The following SUCLG2 variants were observed in gnomAD, a reference collection of about 807,000 sequenced individuals.
SUCLG2 encodes succinate--CoA ligase [GDP-forming] subunit beta, mitochondrial.
Under a neutral mutation model 47.9 loss-of-function variants are expected in SUCLG2, and 42 were observed. The ratio of observed to expected loss-of-function variants is 0.88; its 90% confidence interval spans 0.69 to 1.14. SUCLG2 has a LOEUF of 1.14. Ranked by LOEUF, SUCLG2 falls within the 50% of genes most tolerant of loss-of-function variation. SUCLG2 has a pLI of 0.00. For missense variants in SUCLG2, 571 were observed against 525.9 expected (o/e 1.09, Z -0.84); for synonymous variants, 195 against 197.3 (o/e 0.99, Z 0.10).
At chr3:67,573,688 C>T (rs767246070) in intron 2 of SUCLG2, among the ~76,000 whole-genome samples, 4 of 152,134 alleles carry the variant, frequency 2.6e-5, no homozygotes, top group South Asian at 2.1e-4. Context: ...AGCCTGGCCC[C>T]TCCTTTTCCT....
At chr3:67,407,484 A>C (rs556707756) in intron 9 of SUCLG2, among the ~76,000 whole-genome samples, 3 of 152,346 alleles carry the variant, frequency 2.0e-5, no homozygotes, top group African/African-American at 7.2e-5. Context: ...AGTTCATAGA[A>C]GGAAAGTCTC....
At chr3:67,567,479 G>A (rs1442606951) in intron 2 of SUCLG2, among the ~76,000 whole-genome samples, 2 of 151,814 alleles carry the variant, frequency 1.3e-5, no homozygotes, top group African/African-American at 2.4e-5. Flanking sequence ...TCGTTTTAAC[G>A]TTTTGTCCAG....
At chr3:67,412,118 C>T (rs1208676475) in intron 9 of SUCLG2, among the ~76,000 whole-genome samples, 1 of 152,196 alleles carries the variant, frequency 6.6e-6, no homozygotes, top group African/African-American at 2.4e-5. Context: ...TTGCTGTTAT[C>T]TGTTGTGTGG....
At chr3:67,614,488 C>G (rs1047223553) in intron 1 of SUCLG2, among the ~76,000 whole-genome samples, 3 of 151,816 alleles carry the variant, frequency 2.0e-5, no homozygotes, top group African/African-American at 7.3e-5. Flanking sequence ...ACGGAAGATT[C>G]CTGCTGTTGT....
chr3:67,465,692 G>A (rs1575714612), intron 9 of SUCLG2, among the ~76,000 whole-genome samples: 1 of 152,282 alleles, frequency 6.6e-6, no homozygotes, highest in East Asian at 1.9e-4. Context: ...TGATGGCCAG[G>A]CCAGCCTCTC....
At chr3:67,570,697 C>G (rs983161626) in intron 2 of SUCLG2, among the ~76,000 whole-genome samples, 2 of 152,200 alleles carry the variant, frequency 1.3e-5, no homozygotes, top group African/African-American at 4.8e-5. Flanking sequence ...GCTGGCAATA[C>G]TCTGTACATA....
intron 1 of SUCLG2, among the ~76,000 whole-genome samples, chr3:67,637,805 C>G (rs1291556778): frequency 6.6e-6 from 1 of 152,100 alleles, no homozygotes; most frequent in Non-Finnish European, 1.5e-5. Context: ...AACTTTTGAT[C>G]CATGTAGCTT....
intron 2 of SUCLG2, among the ~76,000 whole-genome samples, chr3:67,581,577 G>A (rs1707878780): frequency 6.6e-6 from 1 of 152,214 alleles, no homozygotes; most frequent in African/African-American, 2.4e-5. Flanking sequence ...TTGCACCAAA[G>A]CTGTGATGGT....
intron 9 of SUCLG2, among the ~76,000 whole-genome samples, chr3:67,475,912 A>G (rs562044410): frequency 2.0e-5 from 3 of 152,200 alleles, no homozygotes; most frequent in African/African-American, 7.2e-5. Context: ...GCCTGGAAGG[A>G]TAACATCATT....
At position 67,550,231 on chromosome 3, in the gene SUCLG2, T is replaced by C. The variant is rs77739033; in HGVS notation, c.227-21045A>G. Among the ~76,000 whole-genome samples, 36 of 152,340 alleles carry C rather than the reference T, an allele frequency of 2.4e-4. No individual in the cohort carries two copies. The East Asian group carries it at 2.5e-3, about 11-fold the overall frequency. ...GGCCACATTACTGCATCTCAAGTCATTGACTCCTTTCGTGAAGCAGAAAGG... is the reference window on the plus strand; with the variant it reads ...GGCCACATTACTGCATCTCAAGTCACTGACTCCTTTCGTGAAGCAGAAAGG... On this transcript the variant is annotated intron_variant, in intron 2 of 10. Transcript: ENST00000307227.
chr3:67,609,944 G>A (rs532585878), intron 1 of SUCLG2, among the ~76,000 whole-genome samples: 1 of 152,254 alleles, frequency 6.6e-6, no homozygotes, highest in East Asian at 1.9e-4. Context: ...TGGATGAAGA[G>A]TACATGGGGC....
intron 2 of SUCLG2, among the ~76,000 whole-genome samples, chr3:67,570,898 T>C (rs1205471357): frequency 6.6e-6 from 1 of 152,200 alleles, no homozygotes; most frequent in East Asian, 1.9e-4. Flanking sequence ...TGGGTCCTTT[T>C]AGCAAACTGT....
chr3:67,476,655 T>C (rs1289363636), intron 9 of SUCLG2, among the ~76,000 whole-genome samples: 3 of 152,154 alleles, frequency 2.0e-5, no homozygotes, highest in Non-Finnish European at 4.4e-5. Flanking sequence ...GTAGAAAAAC[T>C]GTCTTCCATG....
At chr3:67,483,228 A>G (rs62256395) in intron 9 of SUCLG2, among the ~76,000 whole-genome samples, 82,776 of 151,638 alleles carry the variant, frequency 0.55, 23,866 homozygotes, top group Middle Eastern at 0.65. Context: ...ATTTAAGTGG[A>G]CAAAACTTAA....
Position 67,496,799 on chromosome 3 carries a change from G to GA in SUCLG2, c.920-860dup, listed in dbSNP as rs769286886. Among the ~76,000 whole-genome samples the GA allele has an allele frequency of 5.0e-3, 737 of 146,876 alleles. 11 individuals are homozygous for GA. The East Asian group carries it at 0.059, about 12-fold the overall frequency. On this transcript the variant is annotated intron_variant, in intron 8 of 10. Coordinates refer to ENST00000307227, the MANE Select transcript of SUCLG2 (RefSeq NM_003848.4). Reference sequence around the variant, plus strand: ...ATATAAAATTACTTTCCTTGAGAGAGAAAAAAAAAACTCCAGAACACAGCA... The same window carrying GA: ...ATATAAAATTACTTTCCTTGAGAGAGAAAAAAAAAAACTCCAGAACACAGCA...
At chr3:67,560,858 T>C (rs115596960) in intron 2 of SUCLG2, among the ~76,000 whole-genome samples, 1,589 of 151,772 alleles carry the variant, frequency 0.01, 21 homozygotes, top group East Asian at 0.051. Context: ...AGTTTCTGCC[T>C]AGCCTTGAGA....
intron 1 of SUCLG2, among the ~76,000 whole-genome samples, chr3:67,631,815 G>A (rs1429718963): frequency 1.3e-5 from 2 of 152,112 alleles, no homozygotes; most frequent in Non-Finnish European, 2.9e-5. Context: ...ATTCACCAAT[G>A]CATTTCCCAT....
chr3:67,527,846 A>G (rs1303504671), intron 4 of SUCLG2, among the ~76,000 whole-genome samples: 1 of 152,180 alleles, frequency 6.6e-6, no homozygotes, highest in Non-Finnish European at 1.5e-5. Flanking sequence ...TCTCAACTAA[A>G]TAGAATGCAT....
At chr3:67,494,835 A>T (rs1057303243) in intron 9 of SUCLG2, among the ~76,000 whole-genome samples, 1 of 152,202 alleles carries the variant, frequency 6.6e-6, no homozygotes, top group East Asian at 1.9e-4. Flanking sequence ...ACTGATATTT[A>T]ACTTCCTTAC....
Sources: gnomAD v4.1 joint callset for allele counts (sites outside exome capture counted in the v4.1 genomes callset) on GRCh38, gnomAD v4.1.1 for gene constraint, MANE v1.5 for transcripts, NCBI Gene and HGNC (gene_info 2026-07-23, HGNC 2026-07-21) for gene names.